Variants in CENPW observed in about 807,000 individuals in gnomAD.
CENPW encodes the protein centromere protein W.
A neutral mutation model predicts 11.1 loss-of-function variants in CENPW; 3 were observed. The observed-to-expected ratio is 0.27, with a 90% CI of 0.12 to 0.70. The LOEUF (loss-of-function observed/expected upper bound fraction) is 0.70. CENPW is among the 30% of genes least tolerant of loss of function. The pLI is 0.77. For missense variants in CENPW, 100 were observed against 105.6 expected, an observed-to-expected ratio of 0.95 and a Z score of 0.23; for synonymous variants, 38 against 42.0, an observed-to-expected ratio of 0.91 and a Z score of 0.37.
chr6:126,426,681 T>G, the CENPW span, among the ~76,000 whole-genome samples: 1 of 152,106 alleles, frequency 6.6e-6, no homozygotes, highest in Admixed American at 6.6e-5. Flanking sequence ...AAGGATAAAA[T>G]GAACCTCTAC....
the CENPW span, among the ~76,000 whole-genome samples, chr6:126,441,163 C>G: frequency 2.6e-5 from 4 of 151,438 alleles, 1 homozygote; most frequent in Admixed American, 1.3e-4. Context: ...AGCTGGCAAT[C>G]CTGATAGTGG....
At position 126,342,155 on chromosome 6, in the gene CENPW, T is replaced by G. The variant is rs559293874; in HGVS notation, c.126+1756T>G. The stretch of plus-strand genomic sequence containing the variant: ...ATGAGTTAGCAAAAAGTTCAATGAA[T>G]TAGCATTAAACTACACCTGAAAGTT... On this transcript the variant is annotated intron_variant, in intron 1 of 2. Coordinates refer to ENST00000368328, the MANE Select transcript of CENPW (RefSeq NM_001012507.4). Among the ~76,000 whole-genome samples, 7 of 152,304 alleles carry G rather than the reference T, an allele frequency of 4.6e-5. No individual in the cohort carries two copies. The South Asian group carries it at 1.5e-3, about 32-fold the overall frequency.
chr6:126,398,835 C>G, the CENPW span, among the ~76,000 whole-genome samples: 1 of 150,906 alleles, frequency 6.6e-6, no homozygotes, highest in Non-Finnish European at 1.5e-5. Flanking sequence ...TCTAGTATCC[C>G]CCAATGTCTA....
the CENPW span, among the ~76,000 whole-genome samples, chr6:126,361,007 GA>G: frequency 6.6e-6 from 1 of 152,186 alleles, no homozygotes; most frequent in African/African-American, 2.4e-5. Context: ...TGAATTGCCA[GA>G]ATTCTTGCAC....
the CENPW span, among the ~76,000 whole-genome samples, chr6:126,372,473 C>T: frequency 6.6e-6 from 1 of 152,018 alleles, no homozygotes; most frequent in Non-Finnish European, 1.5e-5. Context: ...TGATGGTAAG[C>T]CTTTAAATTA....
chr6:126,359,303 CT>C, the CENPW span, among the ~76,000 whole-genome samples: 73 of 143,576 alleles, frequency 5.1e-4, 1 homozygote, highest in Middle Eastern at 3.6e-3. Flanking sequence ...GATTTCTTTT[CT>C]TTTTTTTTTT....
the CENPW span, among the ~76,000 whole-genome samples, chr6:126,417,355 G>A: frequency 6.6e-6 from 1 of 152,202 alleles, no homozygotes; most frequent in African/African-American, 2.4e-5. Flanking sequence ...GACTTTGACT[G>A]TGGACTTTTG....
At chr6:126,420,972 T>C in the CENPW span, among the ~76,000 whole-genome samples, 4 of 152,140 alleles carry the variant, frequency 2.6e-5, no homozygotes, top group Admixed American at 6.6e-5. Context: ...GTGGGAATTA[T>C]ATATGATCAA....
chr6:126,469,566 A>T, the CENPW span, among the ~76,000 whole-genome samples: 2 of 152,138 alleles, frequency 1.3e-5, no homozygotes, highest in Non-Finnish European at 2.9e-5. Flanking sequence ...GAACTAGGTA[A>T]TGGGCAGAGA....
chr6:126,414,848 C>T, the CENPW span, among the ~76,000 whole-genome samples: 2 of 150,370 alleles, frequency 1.3e-5, no homozygotes, highest in Non-Finnish European at 3.0e-5. Context: ...AAAACATAAA[C>T]GAGATTGACA....
At chr6:126,442,158 G>A in the CENPW span, among the ~76,000 whole-genome samples, 1 of 151,578 alleles carries the variant, frequency 6.6e-6, no homozygotes, top group African/African-American at 2.4e-5. Flanking sequence ...GCAGGAGTAA[G>A]GTGGAATCAC....
the CENPW span, among the ~76,000 whole-genome samples, chr6:126,406,860 A>G: frequency 1.3e-5 from 2 of 152,102 alleles, no homozygotes; most frequent in Non-Finnish European, 2.9e-5. Context: ...CTGGAAAAAA[A>G]AAAAAAAGTT....
At chr6:126,435,685 T>C in the CENPW span, among the ~76,000 whole-genome samples, 2 of 151,924 alleles carry the variant, frequency 1.3e-5, no homozygotes, top group Admixed American at 1.3e-4. Context: ...ATTATTCCAA[T>C]TTTACTGCTT....
At chr6:126,398,223 G>A in the CENPW span, among the ~76,000 whole-genome samples, 2 of 152,144 alleles carry the variant, frequency 1.3e-5, no homozygotes, top group African/African-American at 4.8e-5. Flanking sequence ...ACACTTACTT[G>A]TATAATTAAA....
At chr6:126,405,895 G>A in the CENPW span, among the ~76,000 whole-genome samples, 1 of 151,760 alleles carries the variant, frequency 6.6e-6, no homozygotes, top group Non-Finnish European at 1.5e-5. Context: ...TTTTTGTGGG[G>A]GGGGTCTTTA....
chr6:126,432,800 G>C, the CENPW span, among the ~76,000 whole-genome samples: 1 of 152,054 alleles, frequency 6.6e-6, no homozygotes, highest in South Asian at 2.1e-4. Context: ...CTTAGACTTG[G>C]GACCTTCCAC....
At chr6:126,443,328 C>T in the CENPW span, among the ~76,000 whole-genome samples, 1 of 151,122 alleles carries the variant, frequency 6.6e-6, no homozygotes, top group African/African-American at 2.4e-5. Flanking sequence ...AAGAATTTCC[C>T]ACAGTCTGGA....
chr6:126,365,630 A>C, the CENPW span, among the ~76,000 whole-genome samples: 1 of 152,186 alleles, frequency 6.6e-6, no homozygotes, highest in Admixed American at 6.5e-5. Flanking sequence ...TTGGGTGGGG[A>C]CACAGAAGCA....
chr6:126,407,037 CTAGGT>C, the CENPW span, among the ~76,000 whole-genome samples: 3 of 152,146 alleles, frequency 2.0e-5, no homozygotes, highest in African/African-American at 4.8e-5. Context: ...CCCCCATCAC[CTAGGT>C]ATTAAGCCCA....
Sources: allele counts gnomAD v4.1 joint callset (sites outside exome capture counted in the v4.1 genomes callset), GRCh38; gene constraint gnomAD v4.1.1; transcripts MANE v1.5; gene names NCBI Gene and HGNC (gene_info 2026-07-23, HGNC 2026-07-21).